Variants in CACHD1 observed in about 807,000 individuals in gnomAD.
CACHD1 encodes VWFA and cache domain-containing protein 1.
Under a neutral mutation model 138.7 loss-of-function variants are expected in CACHD1, and 71 were observed. The ratio of observed to expected loss-of-function variants is 0.51; its 90% confidence interval spans 0.42 to 0.62. The LOEUF (loss-of-function observed/expected upper bound fraction) is 0.62. CACHD1 is among the 20% of genes least tolerant of loss of function. CACHD1 has a pLI of 0.00. For missense variants in CACHD1, 1,389 were observed against 1,625.3 expected, an observed-to-expected ratio of 0.85 and a Z score of 2.50; for synonymous variants, 578 against 591.5, an observed-to-expected ratio of 0.98 and a Z score of 0.33.
chr1:64,477,463 T>C (rs1459452188), intron 1 of CACHD1, among the ~76,000 whole-genome samples: 1 of 152,058 alleles, frequency 6.6e-6, no homozygotes, highest in African/African-American at 2.4e-5. Flanking sequence ...TAAAAACATA[T>C]ACAAAAGTAA....
chr1:64,650,857 G>A (rs1045355861), intron 9 of CACHD1, among the ~76,000 whole-genome samples: 10 of 152,136 alleles, frequency 6.6e-5, no homozygotes, highest in African/African-American at 2.4e-4. Context: ...TAGAGCCATA[G>A]GATTGTGAAA....
At chr1:64,588,527 C>T (rs761055793) in intron 3 of CACHD1, among the ~76,000 whole-genome samples, 7 of 151,738 alleles carry the variant, frequency 4.6e-5, no homozygotes, top group South Asian at 2.1e-4. Context: ...ATTACAGGTG[C>T]GCCACCACGC....
At chr1:64,681,552 T>TTTTTGTTTTG (rs1553146857) in intron 25 of CACHD1, among the ~76,000 whole-genome samples, 5 of 94,656 alleles carry the variant, frequency 5.3e-5, no homozygotes, top group African/African-American at 1.9e-4. Context: ...TTTTTTTTTT[T>TTTTTGTTTTG]TTTTTTTTTT....
intron 1 of CACHD1, among the ~76,000 whole-genome samples, chr1:64,498,090 G>A (rs183555428): frequency 6.6e-6 from 1 of 152,194 alleles, no homozygotes; most frequent in Non-Finnish European, 1.5e-5. Context: ...TCGTGCCACT[G>A]TACTCCAGTC....
chr1:64,526,736 G>C (rs920242227), intron 1 of CACHD1, among the ~76,000 whole-genome samples: 2 of 152,158 alleles, frequency 1.3e-5, no homozygotes, highest in Non-Finnish European at 2.9e-5. Flanking sequence ...CCTTCTAGGC[G>C]TCTGGCGCCC....
At chr1:64,652,444 G>A in intron 10 of CACHD1, 134 bp downstream of exon 10, 1 of 730,530 alleles carries the variant, frequency 1.4e-6, no homozygotes, top group Non-Finnish European at 2.1e-6. Context: ...CTCATTTGTA[G>A]TAGAACACCG....
At chr1:64,663,565 A>C in intron 13 of CACHD1, 130 bp from the exon 14 acceptor site, 1 of 1,177,232 alleles carries the variant, frequency 8.5e-7, no homozygotes, top group East Asian at 2.4e-5. Context: ...AAAAAAAAAA[A>C]GAAAAAAAGG....
intron 1 of CACHD1, among the ~76,000 whole-genome samples, chr1:64,476,800 G>A (rs545374853): frequency 6.6e-6 from 1 of 152,204 alleles, no homozygotes; most frequent in Non-Finnish European, 1.5e-5. Context: ...GAAGGGCTTG[G>A]GGGAGGGAGA....
chr1:64,510,492 G>A (rs1393531333), intron 1 of CACHD1, among the ~76,000 whole-genome samples: 1 of 152,192 alleles, frequency 6.6e-6, no homozygotes, highest in African/African-American at 2.4e-5. Flanking sequence ...AGAGGGTCCA[G>A]TGACGACGGA....
intron 4 of CACHD1, among the ~76,000 whole-genome samples, chr1:64,627,617 C>T (rs987177196): frequency 1.3e-5 from 2 of 152,072 alleles, no homozygotes; most frequent in Non-Finnish European, 2.9e-5. Flanking sequence ...CCCACAATAT[C>T]CTGCAAATCT....
chr1:64,632,650 T>C lies in CACHD1; in HGVS notation c.696T>C (p.Ile232=), dbSNP rs138951703. The change falls in exon 6 of 27, where the codon ATT becomes ATC. Residue 232 remains isoleucine (I), a synonymous_variant. Transcript: ENST00000651257. ...VRPQSKHIVV[I]LDHGASVTDT... ...CGCAGTCAAAGCACATAGTAGTGATTCTGGACCACGGGGCTTCAGTCACAG... is the reference window on the plus strand; with the variant it reads ...CGCAGTCAAAGCACATAGTAGTGATCCTGGACCACGGGGCTTCAGTCACAG... The C allele has an allele frequency of 3.0e-4, 478 of 1,614,132 alleles. 1 individual carries two copies. Among genetic ancestry groups the C allele is most frequent in the Non-Finnish European group, 3.8e-4 (449 of 1,180,026 alleles).
intron 1 of CACHD1, among the ~76,000 whole-genome samples, chr1:64,534,045 T>A (rs986444369): frequency 1.0e-3 from 123 of 121,138 alleles, no homozygotes; most frequent in African/African-American, 3.9e-3. Flanking sequence ...GAGCCCAGCA[T>A]TTTTTTTTTT....
At chr1:64,528,893 C>T (rs530535412) in intron 1 of CACHD1, among the ~76,000 whole-genome samples, 6 of 152,116 alleles carry the variant, frequency 3.9e-5, no homozygotes, top group African/African-American at 1.2e-4. Flanking sequence ...AATTTAATGG[C>T]ATTGGAATTA....
Position 64,658,619 on chromosome 1 carries a change from A to G in CACHD1, c.1783-86A>G, listed in dbSNP as rs1179813886. On this transcript the variant is annotated intron_variant, in intron 12 of 26. Coordinates refer to ENST00000651257, the MANE Select transcript of CACHD1 (RefSeq NM_020925.4). ...CCTTCCACGTGAAGATAGAAGGTAG[A>G]GGCAGTAGAAAATAATGTATGCAAA... is the stretch of plus-strand genomic sequence containing the variant. The G allele has an allele frequency of 6.6e-6, 6 of 905,518 alleles. No homozygotes were observed. The East Asian group carries it at 1.3e-4, about 20-fold the overall frequency. 56.1% of individuals were successfully genotyped at this position (905,518 alleles called of 1,614,324 possible). A position where few individuals can be genotyped will look rare whatever the true frequency, so the allele number is the denominator to read the frequency against.
chr1:64,527,284 G>C (rs1318016643), intron 1 of CACHD1, among the ~76,000 whole-genome samples: 1 of 152,182 alleles, frequency 6.6e-6, no homozygotes, highest in Non-Finnish European at 1.5e-5. Context: ...TGCGGCCCAT[G>C]TGACTTCTTG....
At chr1:64,488,692 T>A (rs1303028839) in intron 1 of CACHD1, among the ~76,000 whole-genome samples, 1 of 152,090 alleles carries the variant, frequency 6.6e-6, no homozygotes, top group East Asian at 1.9e-4. Flanking sequence ...GAGCTATTCT[T>A]ACTTTTATCA....
chr1:64,569,761 G>GA (rs5774707), intron 2 of CACHD1, among the ~76,000 whole-genome samples: 123,795 of 151,916 alleles, frequency 0.81, 51,029 homozygotes, highest in Non-Finnish European at 0.88. Flanking sequence ...GCAGACCCTT[G>GA]AAAAAAACAT....
At chr1:64,596,365 T>G (rs1317035323) in intron 3 of CACHD1, among the ~76,000 whole-genome samples, 1 of 152,192 alleles carries the variant, frequency 6.6e-6, no homozygotes, top group Non-Finnish European at 1.5e-5. Flanking sequence ...CCAGAAAGAA[T>G]GAGCGGGAAC....
chr1:64,679,456 G>A (rs1300601465), intron 23 of CACHD1, 139 bp from the exon 24 acceptor site: 2 of 899,840 alleles, frequency 2.2e-6, no homozygotes, highest in Admixed American at 4.5e-5. Flanking sequence ...CATGTTTGAG[G>A]AACTCAAAGC....
Sources: gnomAD v4.1 joint callset for allele counts (sites outside exome capture counted in the v4.1 genomes callset) on GRCh38, gnomAD v4.1.1 for gene constraint, MANE v1.5 for transcripts, NCBI Gene and HGNC (gene_info 2026-07-23, HGNC 2026-07-21) for gene names.